The following GCNT3 variants were observed in gnomAD, a reference collection of about 807,000 sequenced individuals.
GCNT3 encodes the protein beta-1,3-galactosyl-O-glycosyl-glycoprotein beta-1,6-N-acetylglucosaminyltransferase 3.
For missense variants in GCNT3, 708 were observed against 530.3 expected, an observed-to-expected ratio of 1.34 and a Z score of -3.29; for synonymous variants, 269 against 195.2, an observed-to-expected ratio of 1.38 and a Z score of -3.15.
chr15:59,619,459 G>C lies in GCNT3; in HGVS notation c.1221G>C (p.Leu407=). 1 of 1,614,154 alleles carries C rather than the reference G, an allele frequency of 6.2e-7. No homozygotes were observed. Among genetic ancestry groups the C allele is most frequent in the South Asian group, 1.1e-5 (1 of 91,080 alleles). ...ATTGGATGCTTCAAAACCATCACCT[G>C]TTGGCCAACAAGTTTGACCCAAAGG... is the stretch of plus-strand genomic sequence containing the variant. The part of the protein sequence containing the change: ...DLNWMLQNHH[L]LANKFDPKVD... Residue 407 remains leucine, a synonymous_variant, in exon 3 of 3, where the codon CTG becomes CTC. Transcript: ENST00000396065.
chr15:59,617,026 C>T (rs2082722396), intron 2 of GCNT3, 145 bp downstream of exon 2: 2 of 152,184 alleles, frequency 1.3e-5, no homozygotes, highest in Admixed American at 6.5e-5. Context: ...TTTTGTCCCT[C>T]TCCTTATAGG....
intron 1 of GCNT3, among the ~76,000 whole-genome samples, chr15:59,612,686 T>G (rs1330175603): frequency 6.6e-6 from 1 of 152,178 alleles, no homozygotes; most frequent in Non-Finnish European, 1.5e-5. Flanking sequence ...AGGGCTAGCA[T>G]GGAATTAAGG....
chr15:59,618,328 T>C lies in GCNT3; in HGVS notation c.90T>C (p.Ser30=). 6.2e-7 allele frequency: 1 copy of C among 1,613,970 alleles called. No homozygotes were observed. The highest frequency in any genetic ancestry group is 8.5e-7 in the Non-Finnish European group (1 of 1,179,930). The part of the protein sequence containing the change: ...MLLATVALKL[S]FRLKCDSDHL... ...TGGCCACTGTGGCTCTGAAACTTTC[T>C]TTCAGGTTGAAGTGTGACTCTGACC... Residue 30 remains serine (S), a synonymous_variant, in exon 3 of 3, where the codon TCT becomes TCC. Transcript: ENST00000396065.
In GCNT3 at chr15:59,618,340, G is replaced by A. The variant is rs541279627; in HGVS notation, c.102G>A (p.Lys34=). ...CTCTGAAACTTTCTTTCAGGTTGAA[G>A]TGTGACTCTGACCACTTGGGTCTGG... ...TVALKLSFRL[K]CDSDHLGLES... is the part of the protein sequence containing the mutation. Residue 34 remains lysine, a synonymous_variant, in exon 3 of 3, where the codon AAG becomes AAA. Coordinates refer to ENST00000396065, the MANE Select transcript of GCNT3 (RefSeq NM_004751.3). 8.8e-5 allele frequency: 142 copies of A among 1,613,942 alleles called. 1 individual carries two copies. The South Asian group carries it at 1.4e-3, about 16-fold the overall frequency.
Position 59,620,039 on chromosome 15 carries a change from A to G in GCNT3, c.*484A>G. On this transcript the variant is annotated 3_prime_UTR_variant, in exon 3 of 3. Coordinates refer to ENST00000396065, the MANE Select transcript of GCNT3 (RefSeq NM_004751.3). ...ACCTCTACTTTTTGCCTAGTATGCCAGAAATAATATAAATATAAACAGATA... is the reference window on the plus strand; with the variant it reads ...ACCTCTACTTTTTGCCTAGTATGCCGGAAATAATATAAATATAAACAGATA... 1 of 170,252 alleles carries G rather than the reference A, an allele frequency of 5.9e-6. No individual in the cohort carries two copies. The allele number at this position is 170,252 out of a possible 1,614,324, so 10.5% of individuals were successfully genotyped here. A position where few individuals can be genotyped will look rare whatever the true frequency, so the allele number is the denominator to read the frequency against.
chr15:59,619,379 C>T lies in GCNT3; in HGVS notation c.1141C>T (p.Pro381Ser). The T allele has an allele frequency of 4.3e-6, 7 of 1,614,114 alleles. No homozygotes were observed. In the East Asian group the frequency reaches 8.9e-5, roughly 21 times the overall value. Residue 381 changes from proline to serine, a missense_variant, in exon 3 of 3, where the codon CCC becomes TCC. By Grantham distance (74) the Pro-to-Ser change is moderately conservative. Coordinates refer to ENST00000396065, the MANE Select transcript of GCNT3 (RefSeq NM_004751.3). Reference protein sequence around the residue: ...GDIDKGAPYAPCSGIHQRAIC... With the variant: ...GDIDKGAPYASCSGIHQRAIC... ...CATCGATAAGGGTGCTCCTTATGCT[C>T]CCTGCTCTGGAATCCACCAGCGGGC...
rs1431691977 is a variant in GCNT3, at chr15:59,618,807, G to A, written c.569G>A (p.Ser190Asn). 2 of 1,614,230 alleles carry A rather than the reference G, an allele frequency of 1.2e-6. No individual in the cohort carries two copies. Among genetic ancestry groups the A allele is most frequent in the Middle Eastern group, 1.6e-4 (1 of 6,062 alleles). ...ISCFPNVFIA[S>N]KLVRVVYASW... ...TGCTTCCCAAATGTCTTCATAGCCA[G>A]TAAGCTGGTTCGGGTGGTTTATGCC... The change falls in exon 3 of 3, where the codon AGT becomes AAT. Residue 190 changes from serine to asparagine, a missense_variant. Ser to Asn is a conservative substitution (Grantham distance 46). Coordinates refer to ENST00000396065, the MANE Select transcript of GCNT3 (RefSeq NM_004751.3).
chr15:59,616,424 G>C (rs539852100), intron 1 of GCNT3: 1 of 152,194 alleles, frequency 6.6e-6, no homozygotes, highest in Non-Finnish European at 1.5e-5. Context: ...ATGGTTCCTC[G>C]TTGAGGGAAA....
rs533720563 is a variant in GCNT3, at chr15:59,618,407, T to A, written c.169T>A (p.Tyr57Asn). ...SQSQYCRNIL[Y>N]NFLKLPAKRS... Reference sequence around the variant, plus strand: ...AAGCCAGTACTGTAGGAATATCTTGTATAATTTCCTGAAACTTCCAGCAAA... The same window carrying A: ...AAGCCAGTACTGTAGGAATATCTTGAATAATTTCCTGAAACTTCCAGCAAA... The change falls in exon 3 of 3, where the codon TAT becomes AAT. Residue 57 changes from tyrosine to asparagine, a missense_variant. Tyr to Asn is a moderately radical substitution (Grantham distance 143, BLOSUM62 -2). Coordinates refer to ENST00000396065, the MANE Select transcript of GCNT3 (RefSeq NM_004751.3). 6.2e-7 allele frequency: 1 copy of A among 1,614,026 alleles called. No individual in the cohort carries two copies. Among genetic ancestry groups the A allele is most frequent in the Admixed American group, 1.7e-5 (1 of 59,998 alleles).
Position 59,619,261 on chromosome 15 carries a change from G to A in GCNT3, c.1023G>A (p.Trp341Ter). Residue 341 changes from tryptophan (W) to a stop codon, truncating the protein, a stop_gained, in exon 3 of 3, where the codon TGG becomes TGA. Coordinates refer to ENST00000396065, the MANE Select transcript of GCNT3 (RefSeq NM_004751.3). LOFTEE classifies it low-confidence loss of function (END_TRUNC). ...GGGCCACCCTTCAGCGTGCACGGTG[G>A]ATGCCTGGCTCTGTTCCCAACCACC... ...HLWATLQRAR[W>*]MPGSVPNHPK... The A allele has an allele frequency of 6.2e-7, 1 of 1,614,118 alleles. No individual in the cohort carries two copies.
At chr15:59,614,007 C>G (rs2082708400) in intron 1 of GCNT3, among the ~76,000 whole-genome samples, 1 of 152,146 alleles carries the variant, frequency 6.6e-6, no homozygotes, top group African/African-American at 2.4e-5. Flanking sequence ...CAGCGAGACC[C>G]TGTCTCTGAA....
rs760754909 is a variant in GCNT3 at position 59,619,176 on chromosome 15, C to T, written c.938C>T (p.Pro313Leu). The T allele has an allele frequency of 1.2e-6, 2 of 1,614,080 alleles. No individual in the cohort carries two copies. The highest frequency in any genetic ancestry group is 2.2e-5 in the South Asian group (2 of 91,078). Residue 313 changes from proline to leucine, a missense_variant, in exon 3 of 3, where the codon CCT becomes CTT. By Grantham distance (98) the Pro-to-Leu change is moderately conservative (BLOSUM62 -3). Transcript: ENST00000396065. ...TTCGTCCAACATGTTTTGAAGAACC[C>T]TAAATCCCAACAACTGATTGAATGG... ...RDFVQHVLKN[P>L]KSQQLIEWVK...
chr15:59,613,779 C>T (rs2082707253), intron 1 of GCNT3, among the ~76,000 whole-genome samples: 1 of 151,898 alleles, frequency 6.6e-6, no homozygotes, highest in Non-Finnish European at 1.5e-5. Flanking sequence ...CATTTTTAAT[C>T]CCAGCACTTT....
At position 59,622,001 on chromosome 15, in the gene GCNT3, G is replaced by T. The variant is rs1834686267; in HGVS notation, c.*2446G>T. On this transcript the variant is annotated 3_prime_UTR_variant, in exon 3 of 3. Coordinates refer to ENST00000396065, the MANE Select transcript of GCNT3 (RefSeq NM_004751.3). ...CAGTTATCACTGTGTCTGACACAGT[G>T]AATTTTTTATTTATAAGGTAGTTAC... 6.6e-6 allele frequency: 1 copy of T among 151,438 alleles called. No homozygotes were observed. The highest frequency in any genetic ancestry group is 6.6e-5 in the Admixed American group (1 of 15,200). 9.4% of individuals were successfully genotyped at this position (151,438 alleles called of 1,614,324 possible). A position where few individuals can be genotyped will look rare whatever the true frequency, so the allele number is the denominator to read the frequency against.
Position 59,616,853 on chromosome 15 carries a change from A to G in GCNT3, c.-89A>G, listed in dbSNP as rs2082721866. 1 of 152,212 alleles carries G rather than the reference A, an allele frequency of 6.6e-6. No homozygotes were observed. Among genetic ancestry groups the G allele is most frequent in the South Asian group, 2.1e-4 (1 of 4,832 alleles). 9.4% of individuals were successfully genotyped at this position (152,212 alleles called of 1,614,324 possible). On this transcript the variant is annotated 5_prime_UTR_variant, in exon 2 of 3. Transcript: ENST00000396065. ...CAGAATCACGCCTTGTGAAGAGATCATCCCTAAGCAGGAGAGAAGCTACTA... is the reference window on the plus strand; with the variant it reads ...CAGAATCACGCCTTGTGAAGAGATCGTCCCTAAGCAGGAGAGAAGCTACTA...
In GCNT3 at chr15:59,619,660, GGC is replaced by G. The variant is rs2082738579; in HGVS notation, c.*106_*107del. ...GGGAGACCAGGGCTTTGCAATTCGT[GGC>G]ATCCTTTAGGATAAGAGGGCTGCTA... On this transcript the variant is annotated 3_prime_UTR_variant, in exon 3 of 3. Transcript: ENST00000396065. 1 of 749,772 alleles carries G rather than the reference GGC, an allele frequency of 1.3e-6. No homozygotes were observed. The highest frequency in any genetic ancestry group is 1.7e-5 in the South Asian group (1 of 57,980). 46.4% of individuals were successfully genotyped at this position (749,772 alleles called of 1,614,324 possible).
chr15:59,612,165 C>G (rs76746399), intron 1 of GCNT3, among the ~76,000 whole-genome samples, 184 bp downstream of exon 1: 9,592 of 152,250 alleles, frequency 0.063, 589 homozygotes, highest in East Asian at 0.29. Context: ...CTTGATGACC[C>G]TAGCTTAGTT....
intron 1 of GCNT3, among the ~76,000 whole-genome samples, chr15:59,613,278 G>A (rs1206016875): frequency 1.3e-5 from 2 of 152,134 alleles, no homozygotes; most frequent in East Asian, 3.9e-4. Flanking sequence ...TGAGTCCCAC[G>A]CTGGGCTTTA....
rs1348702603 is a variant in GCNT3 at position 59,621,199 on chromosome 15, A to T, written c.*1644A>T. Reference sequence around the variant, plus strand: ...CATGCCTGGTCCCCTCTTGAGTCAAAACTCTTATTTCAGAATGCGAATGGA... The same window carrying T: ...CATGCCTGGTCCCCTCTTGAGTCAATACTCTTATTTCAGAATGCGAATGGA... On this transcript the variant is annotated 3_prime_UTR_variant, in exon 3 of 3. Transcript: ENST00000396065. 3.3e-5 allele frequency: 5 copies of T among 151,654 alleles called. No individual in the cohort carries two copies. The highest frequency in any genetic ancestry group is 6.6e-5 in the Admixed American group (1 of 15,230). 9.4% of individuals were successfully genotyped at this position (151,654 alleles called of 1,614,324 possible).
Sources: allele counts gnomAD v4.1 joint callset (sites outside exome capture counted in the v4.1 genomes callset), GRCh38; gene constraint gnomAD v4.1.1; transcripts MANE v1.5; gene names NCBI Gene and HGNC (gene_info 2026-07-23, HGNC 2026-07-21).